PC: variants seen among roughly 807,000 people sequenced by gnomAD.
The protein encoded by PC is pyruvate carboxylase, mitochondrial.
PC carries 46 observed loss-of-function variants against 107.8 expected under a neutral mutation model. The observed-to-expected ratio is 0.43, with a 90% CI of 0.34 to 0.55. The LOEUF is 0.55. Ranked by LOEUF, PC falls within the 20% of genes least tolerant of loss-of-function variation. The probability of loss-of-function intolerance (pLI) is 0.04; values close to 1 mark genes in which losing one functional copy is unlikely to be tolerated. For missense variants in PC, 1,241 were observed against 1,643.1 expected (o/e 0.76, Z 4.23); for synonymous variants, 662 against 684.7 (o/e 0.97, Z 0.52).
chr11:66,886,368 G>A (rs891657981), intron 3 of PC, among the ~76,000 whole-genome samples: 3 of 152,152 alleles, frequency 2.0e-5, no homozygotes, highest in East Asian at 1.9e-4. Context: ...AGAGCTAGTG[G>A]GCCCCACCAG....
chr11:66,852,580 C>G lies in PC; in HGVS notation c.1684G>C (p.Gly562Arg), dbSNP rs746060650. 88 of 1,613,890 alleles carry G rather than the reference C, an allele frequency of 5.5e-5. 1 individual carries two copies. In the Middle Eastern group the frequency reaches 3.9e-3, roughly 72 times the overall value. ...AAGGTCGTGTCCATCAGCAGCAGCC[C>G]CGGGTGGTTCCGCACAGCTCGAGCA... is the stretch of plus-strand genomic sequence containing the variant. ...GFARAVRNHP[G>R]LLLMDTTFRD... Residue 562 changes from glycine to arginine, a missense_variant, in exon 15 of 23, where the codon GGG becomes CGG. Physicochemically the swap from Gly to Arg is moderately radical, Grantham distance 125. Around this residue, in one of 2 missense-constraint regions of PC, gnomAD observed 1,143 missense variants for 1,551.9 expected, o/e 0.74. Coordinates refer to ENST00000393960, the MANE Select transcript of PC (RefSeq NM_001040716.2). This position sits in a 1 kb window ranked among gnomAD's most constrained non-coding sequence, Gnocchi z 4.7.
intron 12 of PC, among the ~76,000 whole-genome samples, chr11:66,861,052 G>A (rs974808223): frequency 1.3e-5 from 2 of 152,232 alleles, no homozygotes; most frequent in African/African-American, 4.8e-5. Context: ...CCTCTGGAAG[G>A]TTCCTGTCAG....
intron 3 of PC, among the ~76,000 whole-genome samples, chr11:66,875,292 C>T (rs889981120): frequency 3.3e-5 from 5 of 152,114 alleles, no homozygotes; most frequent in South Asian, 2.1e-4. Context: ...AGACAAGATT[C>T]GTCGAGAGAC....
chr11:66,901,727 C>T (rs1947964092), intron 3 of PC, among the ~76,000 whole-genome samples: 1 of 152,184 alleles, frequency 6.6e-6, no homozygotes, highest in Non-Finnish European at 1.5e-5. Context: ...CCCGCCTCAG[C>T]CTCCCAAAGT....
chr11:66,853,054 G>T, intron 13 of PC, 185 bp downstream of exon 13: 1 of 725,412 alleles, frequency 1.4e-6, no homozygotes, highest in South Asian at 1.8e-5. Context: ...TCTCAGATCA[G>T]AAGCAAGGAG....
intron 11 of PC, among the ~76,000 whole-genome samples, chr11:66,865,702 C>T (rs981565798): frequency 6.6e-6 from 1 of 152,170 alleles, no homozygotes; most frequent in Non-Finnish European, 1.5e-5. Flanking sequence ...TCCTGTGCCG[C>T]CATCTCCGAC....
intron 10 of PC, among the ~76,000 whole-genome samples, chr11:66,868,255 A>G (rs2135926346): frequency 6.6e-6 from 1 of 152,364 alleles, no homozygotes; most frequent in South Asian, 2.1e-4. Context: ...CCAGACACAC[A>G]AACTAATTGC....
At position 66,871,504 on chromosome 11, in the gene PC, G is replaced by A; in HGVS notation, c.322-24C>T. On this transcript the variant is annotated intron_variant, in intron 5 of 22. Coordinates refer to ENST00000393960, the MANE Select transcript of PC (RefSeq NM_001040716.2). The surrounding 1 kb of genome is among the most constrained non-coding windows in gnomAD (Gnocchi z 7.4). ...TCCTGCAGGTGGGGGTCAGGGAGAG[G>A]ACGGTACCTTGCAGTCCCTTCCAAG... 1 of 1,612,852 alleles carries A rather than the reference G, an allele frequency of 6.2e-7. No homozygotes were observed. The highest frequency in any genetic ancestry group is 8.5e-7 in the Non-Finnish European group (1 of 1,179,872).
Position 66,868,846 on chromosome 11 carries a change from T to C in PC, c.1022A>G (p.Asp341Gly). ...VEHTVTEEIT[D>G]VDLVHAQIHV... ...GCCCCGCCTGCCCGCCCACACTCAC[T>C]CGGTGATCTCCTCTGTGACCGTGTG... is the stretch of plus-strand genomic sequence containing the variant. Residue 341 changes from aspartate to glycine, a missense_variant and splice_region_variant, in exon 10 of 23, where the codon GAC becomes GGC. Physicochemically the swap from Asp to Gly is moderately conservative, Grantham distance 94. Transcript: ENST00000393960. 6.2e-7 allele frequency: 1 copy of C among 1,610,718 alleles called. No homozygotes were observed. Among genetic ancestry groups the C allele is most frequent in the South Asian group, 1.1e-5 (1 of 90,968 alleles).
chr11:66,932,904 A>C (rs1178112675), intron 3 of PC, among the ~76,000 whole-genome samples: 2 of 152,170 alleles, frequency 1.3e-5, no homozygotes, highest in African/African-American at 4.8e-5. Flanking sequence ...TATGAATATC[A>C]AGAAGTAGTT....
At chr11:66,873,213 G>A (rs1402259121) in intron 3 of PC, among the ~76,000 whole-genome samples, 2 of 147,694 alleles carry the variant, frequency 1.4e-5, no homozygotes, top group African/African-American at 2.5e-5. Flanking sequence ...GGTGGCACAT[G>A]CCTGTAATCC....
chr11:66,949,958 A>G (rs572382066), intron 3 of PC, among the ~76,000 whole-genome samples: 1 of 152,250 alleles, frequency 6.6e-6, no homozygotes, highest in East Asian at 1.9e-4. Flanking sequence ...GAAACTCACC[A>G]AGTCGCTTAG....
At chr11:66,859,598 C>A in intron 12 of PC, 3 of 1,610,694 alleles carry the variant, frequency 1.9e-6, no homozygotes, top group Non-Finnish European at 2.5e-6. Flanking sequence ...TGGGGCTAGA[C>A]CCCAGCCCCG....
chr11:66,864,421 G>A (rs11600959), intron 11 of PC, among the ~76,000 whole-genome samples: 36,643 of 152,242 alleles, frequency 0.24, 4,479 homozygotes, highest in Middle Eastern at 0.33. Flanking sequence ...ACGGCAGGCC[G>A]GCGACAGGGC....
In PC at chr11:66,870,542, A is replaced by T. The variant is rs1946684464; in HGVS notation, c.752-89T>A. 1.6e-5 allele frequency: 24 copies of T among 1,463,150 alleles called. No individual in the cohort carries two copies. In the South Asian group the frequency reaches 2.8e-4, roughly 17 times the overall value. 90.6% of individuals were successfully genotyped at this position (1,463,150 alleles called of 1,614,324 possible). On this transcript the variant is annotated intron_variant, in intron 8 of 22. Transcript: ENST00000393960. The surrounding 1 kb of genome is among the most constrained non-coding windows in gnomAD (Gnocchi z 6.1). The stretch of plus-strand genomic sequence containing the variant: ...TCACCCCCACATAACCACTGTCGCC[A>T]GTCAGTGCCGGCTGCCAGCGGTACA...
At chr11:66,903,768 AAAAAAAT>A (rs1419606811) in intron 3 of PC, among the ~76,000 whole-genome samples, 8 of 124,908 alleles carry the variant, frequency 6.4e-5, no homozygotes, top group Non-Finnish European at 1.3e-4. Flanking sequence ...AAAAAAAAAA[AAAAAAAT>A]ATATATATAT....
chr11:66,884,417 ATAAT>A (rs201655567), intron 3 of PC, among the ~76,000 whole-genome samples: 1,762 of 152,214 alleles, frequency 0.012, 36 homozygotes, highest in African/African-American at 0.039. Flanking sequence ...GTCTCAAAAA[ATAAT>A]TAATCAATTA....
intron 10 of PC, among the ~76,000 whole-genome samples, chr11:66,868,277 G>C (rs921310819): frequency 6.6e-6 from 1 of 152,164 alleles, no homozygotes; most frequent in Non-Finnish European, 1.5e-5. Context: ...TAACAATCGA[G>C]GACTATGTAA....
At chr11:66,943,970 CAAAA>C (rs145566931) in intron 3 of PC, among the ~76,000 whole-genome samples, 1 of 100,648 alleles carries the variant, frequency 9.9e-6, no homozygotes, top group African/African-American at 3.7e-5. Flanking sequence ...GAAACTGTCT[CAAAA>C]AAAAAAAAAA....
Sources: allele counts gnomAD v4.1 joint callset (sites outside exome capture counted in the v4.1 genomes callset), GRCh38; gene constraint gnomAD v4.1.1; regional missense constraint gnomAD v4.1.1; non-coding constraint Gnocchi (gnomAD v3.1); transcripts MANE v1.5; gene names NCBI Gene and HGNC (gene_info 2026-07-23, HGNC 2026-07-21).